The following ZDHHC20 variants were observed in gnomAD, a reference collection of about 807,000 sequenced individuals.
ZDHHC20 encodes the protein zDHHC palmitoyltransferase 20.
ZDHHC20 carries 43 observed loss-of-function variants against 57.8 expected under a neutral mutation model. That is an observed-to-expected ratio of 0.74 (90% CI 0.58 to 0.96). ZDHHC20 has a LOEUF of 0.96. ZDHHC20 is among the 40% of genes least tolerant of loss of function. ZDHHC20 has a pLI of 0.00. For missense variants in ZDHHC20, 391 were observed against 441.1 expected (o/e 0.89, Z 1.02); for synonymous variants, 157 against 153.0 (o/e 1.03, Z -0.19).
At chr13:21,392,265 G>A (rs1490734911) in intron 7 of ZDHHC20, among the ~76,000 whole-genome samples, 3 of 150,078 alleles carry the variant, frequency 2.0e-5, no homozygotes, top group African/African-American at 7.4e-5. Context: ...TGAAAAGATC[G>A]ACTCTTCTAC....
At chr13:21,390,596 A>G (rs545855268) in intron 8 of ZDHHC20, among the ~76,000 whole-genome samples, 5 of 152,206 alleles carry the variant, frequency 3.3e-5, no homozygotes, top group Admixed American at 6.5e-5. Flanking sequence ...ACTGTGGGGG[A>G]AAAAAGTAAA....
intron 3 of ZDHHC20, among the ~76,000 whole-genome samples, chr13:21,419,110 AGT>A (rs1880351113): frequency 6.6e-6 from 1 of 152,212 alleles, no homozygotes. Context: ...CATCACTACT[AGT>A]AATTGATTAA....
rs149790284 is a variant in ZDHHC20, at chr13:21,381,227, C to T, written c.1060+207G>A. Among the ~76,000 whole-genome samples the T allele has an allele frequency of 2.5e-3, 382 of 152,222 alleles. 4 individuals are homozygous for T. Among genetic ancestry groups the T allele is most frequent in the African/African-American group, 8.2e-3 (339 of 41,550 alleles). ...TTCACCGTGTTAGCCAGGATGGTCT[C>T]ATTCTCCTGACTTTGTGATCCACCC... On this transcript the variant is annotated intron_variant, in intron 11 of 12. Transcript: ENST00000400590.
At chr13:21,376,727 T>G (rs1366479537) in intron 12 of ZDHHC20, 72 bp from the exon 13 acceptor site, 4 of 1,010,600 alleles carry the variant, frequency 4.0e-6, no homozygotes, top group East Asian at 2.9e-5. Context: ...TAAATGGTTC[T>G]GTGGGCTAAG....
intron 1 of ZDHHC20, among the ~76,000 whole-genome samples, chr13:21,458,704 C>T (rs1428349182): frequency 1.3e-5 from 2 of 152,204 alleles, no homozygotes; most frequent in Non-Finnish European, 2.9e-5. Flanking sequence ...ACAAACACAA[C>T]CTAAACCTTC....
At chr13:21,457,781 T>C (rs1347964134) in intron 1 of ZDHHC20, among the ~76,000 whole-genome samples, 2 of 152,234 alleles carry the variant, frequency 1.3e-5, no homozygotes, top group Non-Finnish European at 2.9e-5. Flanking sequence ...CCAAACATAA[T>C]TGAAGTCTTG....
intron 4 of ZDHHC20, among the ~76,000 whole-genome samples, chr13:21,407,443 C>A (rs36107889): frequency 0.25 from 38,240 of 152,070 alleles, 5,726 homozygotes; most frequent in South Asian, 0.33. Flanking sequence ...TGAAAAGTGT[C>A]TGTTCATACC....
intron 3 of ZDHHC20, among the ~76,000 whole-genome samples, chr13:21,414,579 G>A (rs770037590): frequency 5.1e-5 from 7 of 137,764 alleles, no homozygotes; most frequent in Non-Finnish European, 1.1e-4. Context: ...CACCGTGTTA[G>A]CCAGGATGGT....
rs1295861957 is a variant in ZDHHC20, at chr13:21,387,546, A to T, written c.816T>A (p.Gly272=). ...GCSKNWRQVF[G]DEKKYWLLPI... Reference sequence around the variant, plus strand: ...GAAGTAGCCAATATTTCTTTTCATCACCAAAGACTTGTCTCCAATTTTTAC... The same window carrying T: ...GAAGTAGCCAATATTTCTTTTCATCTCCAAAGACTTGTCTCCAATTTTTAC... Residue 272 remains glycine, a synonymous_variant, in exon 9 of 13, where the codon GGT becomes GGA. Transcript: ENST00000400590. 2.0e-6 allele frequency: 3 copies of T among 1,536,476 alleles called. No homozygotes were observed. Among genetic ancestry groups the T allele is most frequent in the Admixed American group, 4.1e-5 (2 of 49,250 alleles).
chr13:21,447,908 G>C (rs1883934902), intron 1 of ZDHHC20, among the ~76,000 whole-genome samples: 1 of 117,020 alleles, frequency 8.5e-6, no homozygotes, highest in African/African-American at 3.0e-5. Context: ...CATCGTCTGA[G>C]ATGTGGGGAG....
intron 1 of ZDHHC20, among the ~76,000 whole-genome samples, chr13:21,439,487 G>C (rs1288716983): frequency 6.6e-6 from 1 of 151,942 alleles, no homozygotes; most frequent in African/African-American, 2.4e-5. Flanking sequence ...ACTCTGCACT[G>C]CAACAGAGTG....
intron 1 of ZDHHC20, among the ~76,000 whole-genome samples, chr13:21,437,137 ACT>A (rs1271101637): frequency 6.6e-6 from 1 of 152,200 alleles, no homozygotes; most frequent in African/African-American, 2.4e-5. Context: ...CAAAGTCCTA[ACT>A]CTCTTTAATT....
chr13:21,429,312 T>A (rs1020747773), intron 1 of ZDHHC20, among the ~76,000 whole-genome samples: 5 of 152,198 alleles, frequency 3.3e-5, no homozygotes, highest in African/African-American at 9.6e-5. Context: ...TGAATTCTTA[T>A]AATGTGAGGA....
At chr13:21,398,784 C>T (rs966487512) in intron 7 of ZDHHC20, among the ~76,000 whole-genome samples, 3 of 152,146 alleles carry the variant, frequency 2.0e-5, no homozygotes, top group African/African-American at 4.8e-5. Flanking sequence ...TTTATGGTGT[C>T]TTCCTCATGT....
At position 21,387,490 on chromosome 13, in the gene ZDHHC20, C is replaced by A. The variant is rs778200452; in HGVS notation, c.854+18G>T. The A allele has an allele frequency of 1.1e-5, 17 of 1,484,246 alleles. No homozygotes were observed. The East Asian group carries it at 2.1e-4, about 18-fold the overall frequency. The allele number at this position is 1,484,246 out of a possible 1,614,324, so 91.9% of individuals were successfully genotyped here. A position where few individuals can be genotyped will look rare whatever the true frequency, so the allele number is the denominator to read the frequency against. On this transcript the variant is annotated intron_variant, in intron 9 of 12. Coordinates refer to ENST00000400590, the MANE Select transcript of ZDHHC20 (RefSeq NM_001330059.2). ...CCACAGATGCCATAATCTCTGAGAC[C>A]CACATTTTATAAATTACCTTGAAAA... is the stretch of plus-strand genomic sequence containing the variant.
chr13:21,386,079 A>G (rs1440879792), intron 9 of ZDHHC20, among the ~76,000 whole-genome samples: 1 of 152,264 alleles, frequency 6.6e-6, no homozygotes, highest in African/African-American at 2.4e-5. Context: ...TCTGTGTTCC[A>G]ACCAATGGGA....
At chr13:21,398,263 G>A (rs1327966810) in intron 7 of ZDHHC20, among the ~76,000 whole-genome samples, 1 of 152,076 alleles carries the variant, frequency 6.6e-6, no homozygotes, top group Non-Finnish European at 1.5e-5. Flanking sequence ...AGGAGATCGA[G>A]ACCATCCTGG....
chr13:21,452,020 T>C (rs899951287), intron 1 of ZDHHC20, among the ~76,000 whole-genome samples: 2 of 152,086 alleles, frequency 1.3e-5, no homozygotes, highest in Admixed American at 6.6e-5. Flanking sequence ...AAAACACTTA[T>C]TGTATGATTC....
intron 11 of ZDHHC20, among the ~76,000 whole-genome samples, chr13:21,379,029 TTTTTAGAGACGGGCC>T: frequency 6.6e-6 from 1 of 152,186 alleles, no homozygotes. Flanking sequence ...AGATTGTTAT[TTTTTAGAGACGGGCC>T]TTAATAGTAT....
Sources: allele counts gnomAD v4.1 joint callset (sites outside exome capture counted in the v4.1 genomes callset), GRCh38; gene constraint gnomAD v4.1.1; transcripts MANE v1.5; gene names NCBI Gene and HGNC (gene_info 2026-07-23, HGNC 2026-07-21).